The following ARIH2 variants were observed in gnomAD, a reference collection of about 807,000 sequenced individuals.
The protein encoded by ARIH2 is E3 ubiquitin-protein ligase ARIH2.
A neutral mutation model predicts 79.8 loss-of-function variants in ARIH2; 12 were observed. The ratio of observed to expected loss-of-function variants is 0.15; its 90% CI spans 0.10 to 0.24. The LOEUF (loss-of-function observed/expected upper bound fraction) is 0.24, where lower values mean the gene tolerates loss of function less well. Ranked by LOEUF, ARIH2 falls within the 10% of genes least tolerant of loss-of-function variation. ARIH2 has a pLI of 1.00. For synonymous variants in ARIH2, 224 were observed against 213.9 expected (o/e 1.05, Z -0.41); for missense variants, 301 against 618.3 (o/e 0.49, Z 5.44).
At chr3:48,931,607 T>G (rs1482468083) in intron 3 of ARIH2, among the ~76,000 whole-genome samples, 1 of 152,144 alleles carries the variant, frequency 6.6e-6, no homozygotes, top group East Asian at 1.9e-4. Flanking sequence ...AAAAAATTTT[T>G]TTTTAAGATA....
chr3:48,970,405 A>G (rs896974283), intron 7 of ARIH2, among the ~76,000 whole-genome samples, 190 bp from the exon 8 acceptor site: 1 of 152,204 alleles, frequency 6.6e-6, no homozygotes, highest in Non-Finnish European at 1.5e-5. Flanking sequence ...ACCTGGTTTA[A>G]GCTAAACGTT....
intron 2 of ARIH2, among the ~76,000 whole-genome samples, chr3:48,923,985 G>C (rs1318419301): frequency 6.6e-6 from 1 of 152,058 alleles, no homozygotes; most frequent in Non-Finnish European, 1.5e-5. Context: ...AATAAAATTA[G>C]GTATGGGGGT....
At position 48,983,596 on chromosome 3, in the gene ARIH2, T is replaced by C; in HGVS notation, c.*326T>C. 2 of 177,868 alleles carry C rather than the reference T, an allele frequency of 1.1e-5. No homozygotes were observed. Among genetic ancestry groups the C allele is most frequent in the South Asian group, 3.4e-4 (2 of 5,850 alleles). 11.0% of individuals were successfully genotyped at this position (177,868 alleles called of 1,614,324 possible). ...CAACTTATGTAACTTTCAAAGGTTG[T>C]ACAATTATACAAAAAAAAAAAAAAG... is the stretch of plus-strand genomic sequence containing the variant. On this transcript the variant is annotated 3_prime_UTR_variant, in exon 16 of 16. Transcript: ENST00000356401.
chr3:48,922,981 G>A (rs920493663), intron 2 of ARIH2, among the ~76,000 whole-genome samples, 170 bp downstream of exon 2: 1 of 152,142 alleles, frequency 6.6e-6, no homozygotes, highest in Non-Finnish European at 1.5e-5. Flanking sequence ...GCTGAGGTGG[G>A]CGGATCACGA....
intron 2 of ARIH2, chr3:48,924,605 T>A (rs1483293503): frequency 6.6e-6 from 1 of 152,116 alleles, no homozygotes; most frequent in East Asian, 1.9e-4. Context: ...TGCAACCTCC[T>A]CCCTGGTTCA....
chr3:48,923,255 G>T (rs2085074985), intron 2 of ARIH2, among the ~76,000 whole-genome samples: 1 of 151,242 alleles, frequency 6.6e-6, no homozygotes, highest in Non-Finnish European at 1.5e-5. Context: ...AAAAAAATTA[G>T]CTGGGCATTG....
At chr3:48,960,273 T>G (rs1237606892) in intron 3 of ARIH2, among the ~76,000 whole-genome samples, 2 of 152,142 alleles carry the variant, frequency 1.3e-5, no homozygotes, top group South Asian at 2.1e-4. Context: ...CTTATTTGCT[T>G]CTTTAACCTA....
At chr3:48,967,072 T>C (rs552062975) in intron 5 of ARIH2, 53 bp from the exon 6 acceptor site, 7 of 1,589,682 alleles carry the variant, frequency 4.4e-6, no homozygotes, top group African/African-American at 2.7e-5. Context: ...GGTACCCTTA[T>C]GGCCTTCTGG....
intron 1 of ARIH2, 98 bp downstream of exon 1, chr3:48,919,096 G>C: frequency 7.8e-7 from 1 of 1,274,010 alleles, no homozygotes; most frequent in Non-Finnish European, 9.9e-7. Context: ...CTCCGCCTTC[G>C]CCGTCGCCCG....
chr3:48,973,887 T>G (rs2092374603), intron 9 of ARIH2, 71 bp downstream of exon 9: 3 of 1,226,330 alleles, frequency 2.4e-6, no homozygotes, highest in African/African-American at 3.0e-5. Context: ...CTTGGAGATT[T>G]GCCATCTGAG....
At chr3:48,931,736 G>T (rs1241307258) in intron 3 of ARIH2, among the ~76,000 whole-genome samples, 5 of 152,070 alleles carry the variant, frequency 3.3e-5, no homozygotes, top group African/African-American at 9.7e-5. Context: ...ACAATTTTCA[G>T]CCGGGTGCGG....
intron 3 of ARIH2, among the ~76,000 whole-genome samples, chr3:48,959,339 A>G (rs1274217729): frequency 6.6e-6 from 1 of 151,692 alleles, no homozygotes; most frequent in African/African-American, 2.4e-5. Context: ...AATACAATAA[A>G]AAATAAATAA....
intron 4 of ARIH2, among the ~76,000 whole-genome samples, chr3:48,961,905 A>G (rs1028316099): frequency 3.3e-5 from 5 of 152,182 alleles, no homozygotes; most frequent in South Asian, 2.1e-4. Flanking sequence ...GTATTCTATC[A>G]TAGATATTCC....
chr3:48,940,808 A>AAAAAATATATATATATAT (rs759369585), intron 3 of ARIH2, among the ~76,000 whole-genome samples: 1 of 98,048 alleles, frequency 1.0e-5, no homozygotes, highest in African/African-American at 4.1e-5. Context: ...AAAAAAAAAA[A>AAAAAATATATATATATAT]ATATATATAT....
chr3:48,981,784 T>C, intron 14 of ARIH2, 56 bp downstream of exon 14: 3 of 1,430,066 alleles, frequency 2.1e-6, no homozygotes, highest in Non-Finnish European at 3.0e-6. Flanking sequence ...TGCCCTTCTC[T>C]ACCAGCACTT....
At chr3:48,939,772 A>C (rs1423247711) in intron 3 of ARIH2, among the ~76,000 whole-genome samples, 6 of 145,980 alleles carry the variant, frequency 4.1e-5, no homozygotes, top group Admixed American at 2.0e-4. Flanking sequence ...AAAAAAAAAA[A>C]AAAACAAAAA....
At chr3:48,950,951 CTT>C (rs748827327) in intron 3 of ARIH2, among the ~76,000 whole-genome samples, 10 of 129,208 alleles carry the variant, frequency 7.7e-5, no homozygotes, top group Non-Finnish European at 8.3e-5. Flanking sequence ...CTTTCTTCTT[CTT>C]TTTTTTTTTT....
chr3:48,922,246 G>T (rs1032511302), intron 1 of ARIH2: 1 of 151,758 alleles, frequency 6.6e-6, no homozygotes, highest in African/African-American at 2.4e-5. Context: ...AAAAGAAGTG[G>T]TCTTTCAAAC....
chr3:48,933,376 T>G (rs1216335463), intron 3 of ARIH2, among the ~76,000 whole-genome samples: 1 of 151,270 alleles, frequency 6.6e-6, no homozygotes, highest in East Asian at 1.9e-4. Flanking sequence ...TTACCCAGGC[T>G]GGTCTCAAAC....
Sources: allele counts gnomAD v4.1 joint callset (sites outside exome capture counted in the v4.1 genomes callset), GRCh38; gene constraint gnomAD v4.1.1; transcripts MANE v1.5; gene names NCBI Gene and HGNC (gene_info 2026-07-23, HGNC 2026-07-21).